The following PDE4D variants were observed in gnomAD, a reference collection of about 807,000 sequenced individuals.
PDE4D encodes 3',5'-cyclic-AMP phosphodiesterase 4D.
PDE4D carries 24 observed loss-of-function variants against 87.4 expected under a neutral mutation model. The ratio of observed to expected loss-of-function variants is 0.27; its 90% CI spans 0.20 to 0.39. PDE4D has a LOEUF of 0.39. Ranked by LOEUF, PDE4D falls within the 10% of genes least tolerant of loss-of-function variation. PDE4D has a pLI of 1.00. For missense variants in PDE4D, 714 were observed against 1,041.0 expected, an observed-to-expected ratio of 0.69 and a Z score of 4.32; for synonymous variants, 384 against 383.2, an observed-to-expected ratio of 1.00 and a Z score of -0.02.
At chr5:60,424,858 C>A (rs1480063036) in intron 1 of PDE4D, among the ~76,000 whole-genome samples, 2 of 152,146 alleles carry the variant, frequency 1.3e-5, no homozygotes, top group Admixed American at 1.3e-4. Context: ...AATCAATGTG[C>A]AAAAATCACA....
chr5:59,693,432 C>T (rs1751284503), intron 1 of PDE4D, among the ~76,000 whole-genome samples: 1 of 151,932 alleles, frequency 6.6e-6, no homozygotes, highest in Non-Finnish European at 1.5e-5. Context: ...AAAGCTAAGC[C>T]AAAAAGAAGG....
At chr5:59,717,661 C>T (rs529745977) in intron 1 of PDE4D, among the ~76,000 whole-genome samples, 39 of 152,190 alleles carry the variant, frequency 2.6e-4, no homozygotes, top group Non-Finnish European at 2.2e-4. Context: ...ACTGTGCTGG[C>T]TTCATTACGA....
intron 3 of PDE4D, among the ~76,000 whole-genome samples, chr5:59,915,299 T>A (rs1753919285): frequency 6.6e-6 from 1 of 151,814 alleles, no homozygotes; most frequent in African/African-American, 2.4e-5. Flanking sequence ...TTAGAAGGAA[T>A]CAGAAAAGGA....
chr5:59,587,526 T>C, intron 1 of PDE4D: 1 of 985,388 alleles, frequency 1.0e-6, no homozygotes, highest in Non-Finnish European at 1.2e-6. Flanking sequence ...AGCAGAACCT[T>C]TGGAATCCTC....
chr5:59,708,912 T>TA (rs1434725285), intron 1 of PDE4D, among the ~76,000 whole-genome samples: 1 of 151,960 alleles, frequency 6.6e-6, no homozygotes, highest in East Asian at 1.9e-4. Flanking sequence ...TGGCTTTTTT[T>TA]TTTTTTTTAA....
At chr5:59,486,348 T>C (rs959543030) in intron 1 of PDE4D, among the ~76,000 whole-genome samples, 2 of 152,172 alleles carry the variant, frequency 1.3e-5, no homozygotes, top group African/African-American at 4.8e-5. Flanking sequence ...CCATGGTTGC[T>C]CTCCAGAAAT....
At chr5:59,950,604 C>G (rs10514885) in intron 3 of PDE4D, among the ~76,000 whole-genome samples, 15,070 of 152,048 alleles carry the variant, frequency 0.099, 992 homozygotes, top group Non-Finnish European at 0.14. Flanking sequence ...GTGAACACTA[C>G]TTGAATCAAG....
At chr5:59,721,528 C>A (rs898389590) in intron 1 of PDE4D, among the ~76,000 whole-genome samples, 1 of 152,080 alleles carries the variant, frequency 6.6e-6, no homozygotes, top group Non-Finnish European at 1.5e-5. Flanking sequence ...GAGGTAGATG[C>A]TAGTATTGTC....
At chr5:60,297,630 C>T (rs895358766) in intron 1 of PDE4D, among the ~76,000 whole-genome samples, 3 of 152,094 alleles carry the variant, frequency 2.0e-5, no homozygotes, top group Non-Finnish European at 4.4e-5. Flanking sequence ...ATTGTATAAT[C>T]AAAACACAGT....
intron 2 of PDE4D, among the ~76,000 whole-genome samples, chr5:60,108,816 G>T (rs1488127124): frequency 6.6e-6 from 1 of 152,058 alleles, no homozygotes; most frequent in Non-Finnish European, 1.5e-5. Context: ...TATGTAGAAA[G>T]CTGAAACTGG....
chr5:59,215,913 T>C lies in PDE4D; in HGVS notation c.511A>G (p.Ser171Gly). The change falls in exon 2 of 15, where the codon AGC becomes GGC. Residue 171 changes from serine to glycine, a missense_variant. By Grantham distance (56) the Ser-to-Gly change is moderately conservative. Coordinates refer to ENST00000340635, the MANE Select transcript of PDE4D (RefSeq NM_001104631.2). ...AGRSPLDPMT[S>G]PGSGLILQAN... is the part of the protein sequence containing the mutation. ...TGGAGAATTAGCCCGGATCCTGGGCTGGTCATGGGATCCAAGGGACTCCGT... is the reference window on the plus strand; with the variant it reads ...TGGAGAATTAGCCCGGATCCTGGGCCGGTCATGGGATCCAAGGGACTCCGT... 6.2e-7 allele frequency: 1 copy of C among 1,613,422 alleles called. No homozygotes were observed. The highest frequency in any genetic ancestry group is 8.5e-7 in the Non-Finnish European group (1 of 1,179,514).
chr5:59,571,576 C>A (rs1821855963), intron 1 of PDE4D, among the ~76,000 whole-genome samples: 1 of 152,156 alleles, frequency 6.6e-6, no homozygotes, highest in African/African-American at 2.4e-5. Flanking sequence ...CTGTTTGACA[C>A]AGATAGACTC....
At chr5:59,501,191 T>A (rs1808233000) in intron 1 of PDE4D, among the ~76,000 whole-genome samples, 1 of 152,236 alleles carries the variant, frequency 6.6e-6, no homozygotes, top group African/African-American at 2.4e-5. Context: ...TTACAATTTA[T>A]CATGTAGTCA....
intron 9 of PDE4D, 99 bp from the exon 10 acceptor site, chr5:58,990,018 T>C: frequency 5.7e-6 from 4 of 705,520 alleles, no homozygotes; most frequent in Non-Finnish European, 9.5e-6. Flanking sequence ...GTGTTGCCAG[T>C]GGATAACCTG....
At chr5:59,033,733 C>A (rs930201599) in intron 6 of PDE4D, among the ~76,000 whole-genome samples, 1 of 152,040 alleles carries the variant, frequency 6.6e-6, no homozygotes, top group Non-Finnish European at 1.5e-5. Flanking sequence ...CATGGGCAAT[C>A]CTTATGTTTC....
At chr5:59,846,560 T>C (rs1743886097) in intron 1 of PDE4D, among the ~76,000 whole-genome samples, 1 of 152,026 alleles carries the variant, frequency 6.6e-6, no homozygotes. Context: ...TTCAGAACCA[T>C]CGAGTAGACC....
chr5:59,901,885 A>G (rs531174781), intron 3 of PDE4D, among the ~76,000 whole-genome samples: 3 of 150,528 alleles, frequency 2.0e-5, no homozygotes, highest in Non-Finnish European at 4.4e-5. Context: ...TCATAATTCT[A>G]CTCCTGGGTA....
At chr5:60,373,390 C>T (rs949107458) in intron 1 of PDE4D, among the ~76,000 whole-genome samples, 1 of 152,298 alleles carries the variant, frequency 6.6e-6, no homozygotes, top group South Asian at 2.1e-4. Context: ...GGCTAGTCTC[C>T]TTCATTTACT....
At chr5:59,903,364 C>T (rs1752483515) in intron 3 of PDE4D, among the ~76,000 whole-genome samples, 1 of 151,772 alleles carries the variant, frequency 6.6e-6, no homozygotes, top group South Asian at 2.1e-4. Flanking sequence ...GAAAAATTCT[C>T]TATCTTCTCA....
Sources: allele counts gnomAD v4.1 joint callset (sites outside exome capture counted in the v4.1 genomes callset), GRCh38; gene constraint gnomAD v4.1.1; transcripts MANE v1.5; gene names NCBI Gene and HGNC (gene_info 2026-07-23, HGNC 2026-07-21).